The following LRRC4C variants were observed in gnomAD, a reference collection of about 807,000 sequenced individuals.
The protein encoded by LRRC4C is leucine rich repeat containing 4C.
A neutral mutation model predicts 33.6 loss-of-function variants in LRRC4C; 5 were observed. That is an observed-to-expected ratio of 0.15 (90% CI 0.08 to 0.31). The LOEUF (loss-of-function observed/expected upper bound fraction) is 0.31, where lower values mean the gene tolerates loss of function less well. LRRC4C is among the 10% of genes least tolerant of loss of function. The probability of loss-of-function intolerance (pLI) is 1.00; values close to 1 mark genes in which losing one functional copy is unlikely to be tolerated. For missense variants in LRRC4C, 560 were observed against 796.7 expected (o/e 0.70, Z 3.58); for synonymous variants, 329 against 302.0 (o/e 1.09, Z -0.93).
At chr11:40,130,340 CTTT>C (rs1237622124) in intron 6 of LRRC4C, among the ~76,000 whole-genome samples, 1 of 152,036 alleles carries the variant, frequency 6.6e-6, no homozygotes, top group African/African-American at 2.4e-5. Context: ...ACTGTTGCTT[CTTT>C]TTTTCTTCCT....
At chr11:40,364,299 G>A (rs1433897986) in intron 3 of LRRC4C, among the ~76,000 whole-genome samples, 1 of 152,016 alleles carries the variant, frequency 6.6e-6, no homozygotes, top group African/African-American at 2.4e-5. Flanking sequence ...AAAAAATTAG[G>A]TAAATGTGTT....
At chr11:40,932,269 C>G (rs1040559811) in intron 2 of LRRC4C, among the ~76,000 whole-genome samples, 7 of 152,014 alleles carry the variant, frequency 4.6e-5, no homozygotes, top group Admixed American at 2.0e-4. Flanking sequence ...GAGCTCCTAT[C>G]ATTTTAGATG....
At chr11:41,075,597 C>T (rs1049722165) in intron 1 of LRRC4C, among the ~76,000 whole-genome samples, 13 of 152,116 alleles carry the variant, frequency 8.5e-5, no homozygotes, top group African/African-American at 1.7e-4. Context: ...CACTATATCT[C>T]CCATCAAACA....
At chr11:40,191,071 C>A (rs145523608) in intron 5 of LRRC4C, among the ~76,000 whole-genome samples, 1 of 152,040 alleles carries the variant, frequency 6.6e-6, no homozygotes, top group Admixed American at 6.6e-5. Context: ...AGCATTATGC[C>A]GAGCACCTCG....
At chr11:40,696,057 G>T (rs1269402946) in intron 2 of LRRC4C, among the ~76,000 whole-genome samples, 2 of 145,326 alleles carry the variant, frequency 1.4e-5, no homozygotes, top group East Asian at 2.0e-4. Flanking sequence ...GTGTGTGTGT[G>T]TGTATATATG....
At chr11:41,069,648 G>C (rs1011469734) in intron 1 of LRRC4C, among the ~76,000 whole-genome samples, 1 of 152,062 alleles carries the variant, frequency 6.6e-6, no homozygotes, top group Non-Finnish European at 1.5e-5. Flanking sequence ...GCCAAATCAT[G>C]AATGAACCCC....
chr11:41,004,247 C>T (rs1300553918), intron 1 of LRRC4C, among the ~76,000 whole-genome samples: 1 of 152,134 alleles, frequency 6.6e-6, no homozygotes, highest in African/African-American at 2.4e-5. Context: ...TCATAGCAAG[C>T]AATGTTACAA....
At chr11:41,143,812 A>C (rs1943615101) in intron 1 of LRRC4C, among the ~76,000 whole-genome samples, 1 of 152,168 alleles carries the variant, frequency 6.6e-6, no homozygotes, top group Admixed American at 6.5e-5. Context: ...GAAAAGGAAA[A>C]CACTAATTGA....
intron 1 of LRRC4C, among the ~76,000 whole-genome samples, chr11:41,070,875 C>G (rs1372109884): frequency 1.3e-5 from 2 of 152,182 alleles, no homozygotes; most frequent in South Asian, 2.1e-4. Context: ...CCAGAAATAC[C>G]ATTTGATCCA....
chr11:41,285,912 C>T (rs939163862), intron 1 of LRRC4C, among the ~76,000 whole-genome samples: 3 of 152,048 alleles, frequency 2.0e-5, no homozygotes, highest in African/African-American at 4.8e-5. Flanking sequence ...TCATTGCAAC[C>T]TCCGCCTCCC....
intron 4 of LRRC4C, among the ~76,000 whole-genome samples, chr11:40,264,944 G>A (rs984166245): frequency 2.0e-5 from 3 of 152,128 alleles, no homozygotes; most frequent in African/African-American, 7.2e-5. Flanking sequence ...ACACTGTCCA[G>A]TATTGCTTTA....
chr11:41,071,621 C>A (rs1938691718), intron 1 of LRRC4C, among the ~76,000 whole-genome samples: 1 of 152,086 alleles, frequency 6.6e-6, no homozygotes, highest in Non-Finnish European at 1.5e-5. Context: ...TAAAGATATA[C>A]AAGGAGATTA....
intron 1 of LRRC4C, among the ~76,000 whole-genome samples, chr11:41,430,698 A>T (rs937493759): frequency 2.6e-5 from 4 of 152,140 alleles, no homozygotes; most frequent in Non-Finnish European, 5.9e-5. Flanking sequence ...CTTGTTCATA[A>T]ATAACTATAA....
intron 1 of LRRC4C, among the ~76,000 whole-genome samples, chr11:41,331,617 T>C (rs1951296746): frequency 6.6e-6 from 1 of 152,196 alleles, no homozygotes; most frequent in Non-Finnish European, 1.5e-5. Flanking sequence ...AGGCACTTGC[T>C]TTAGGTGTTT....
chr11:40,713,494 T>C (rs1402703076), intron 2 of LRRC4C, among the ~76,000 whole-genome samples: 1 of 152,294 alleles, frequency 6.6e-6, no homozygotes, highest in East Asian at 1.9e-4. Flanking sequence ...TGCCAGTTGG[T>C]AGCTATATAC....
chr11:40,865,116 A>G (rs1954289584), intron 2 of LRRC4C, among the ~76,000 whole-genome samples: 2 of 152,164 alleles, frequency 1.3e-5, no homozygotes. Context: ...AGGAAATCCT[A>G]TAATTTGTAA....
intron 1 of LRRC4C, among the ~76,000 whole-genome samples, chr11:41,160,380 T>TAAAAA (rs61443237): frequency 2.3e-5 from 3 of 132,652 alleles, no homozygotes; most frequent in African/African-American, 8.3e-5. Context: ...ACCCTCTTTC[T>TAAAAA]AAAAAAAAAA....
chr11:40,465,176 C>T (rs1952591814), intron 3 of LRRC4C, among the ~76,000 whole-genome samples: 1 of 151,932 alleles, frequency 6.6e-6, no homozygotes, highest in African/African-American at 2.4e-5. Flanking sequence ...GACAACCAAT[C>T]TTCAACAAAG....
intron 3 of LRRC4C, among the ~76,000 whole-genome samples, chr11:40,436,228 A>C (rs1176095628): frequency 3.3e-5 from 5 of 152,182 alleles, no homozygotes; most frequent in African/African-American, 1.2e-4. Flanking sequence ...TTTTTTCAGA[A>C]GACTAACAAT....
Sources: allele counts gnomAD v4.1 joint callset (sites outside exome capture counted in the v4.1 genomes callset), GRCh38; gene constraint gnomAD v4.1.1; transcripts MANE v1.5; gene names NCBI Gene and HGNC (gene_info 2026-07-23, HGNC 2026-07-21).